The following THSD4 variants were observed in gnomAD, a reference collection of about 807,000 sequenced individuals.
THSD4 encodes thrombospondin type-1 domain-containing protein 4.
In THSD4, 69 loss-of-function variants were observed where a neutral mutation model predicts 119.0. That is an observed-to-expected ratio of 0.58 (90% confidence interval 0.48 to 0.71). THSD4 has a LOEUF of 0.71. THSD4 is among the 30% of genes least tolerant of loss of function. THSD4 has a pLI of 0.00. For missense variants in THSD4, 1,393 were observed against 1,391.1 expected, an observed-to-expected ratio of 1.00 and a Z score of -0.02; for synonymous variants, 524 against 540.4, an observed-to-expected ratio of 0.97 and a Z score of 0.42.
intron 1 of THSD4, among the ~76,000 whole-genome samples, chr15:71,099,739 C>A (rs1266729396): frequency 6.6e-6 from 1 of 151,992 alleles, no homozygotes; most frequent in Non-Finnish European, 1.5e-5. Context: ...CCAAGGGGGG[C>A]AGATCGCTTG....
At chr15:71,688,519 C>A (rs1446058923) in intron 8 of THSD4, among the ~76,000 whole-genome samples, 1 of 152,154 alleles carries the variant, frequency 6.6e-6, no homozygotes, top group African/African-American at 2.4e-5. Context: ...ATTTTCCCAA[C>A]CTTTCATAAT....
At chr15:71,384,621 C>T (rs141304287) in intron 6 of THSD4, among the ~76,000 whole-genome samples, 2 of 152,152 alleles carry the variant, frequency 1.3e-5, no homozygotes, top group East Asian at 3.9e-4. Context: ...TTAAAAGAGG[C>T]AATAAAATTT....
chr15:71,388,229 A>G (rs774674181), intron 6 of THSD4, among the ~76,000 whole-genome samples: 1 of 152,234 alleles, frequency 6.6e-6, no homozygotes, highest in Admixed American at 6.5e-5. Flanking sequence ...TCTGCTGCAT[A>G]GCTGCTTGGT....
At chr15:71,497,064 CAA>C (rs2140717790) in intron 7 of THSD4, among the ~76,000 whole-genome samples, 1 of 152,310 alleles carries the variant, frequency 6.6e-6, no homozygotes, top group East Asian at 1.9e-4. Flanking sequence ...TTCCAACCAC[CAA>C]AGAGTATTTT....
At chr15:71,641,539 C>T (rs1041290972) in intron 7 of THSD4, among the ~76,000 whole-genome samples, 4 of 152,104 alleles carry the variant, frequency 2.6e-5, no homozygotes, top group Admixed American at 6.6e-5. Context: ...AAAGGTTATG[C>T]GTCTTGCCTG....
intron 7 of THSD4, among the ~76,000 whole-genome samples, chr15:71,595,290 G>C (rs935049585): frequency 3.3e-5 from 5 of 152,174 alleles, no homozygotes; most frequent in East Asian, 1.9e-4. Context: ...AACTTGAATT[G>C]TATCTCCCAG....
At chr15:71,148,676 A>G (rs1596225221) in intron 2 of THSD4, among the ~76,000 whole-genome samples, 1 of 152,206 alleles carries the variant, frequency 6.6e-6, no homozygotes, top group East Asian at 1.9e-4. Context: ...TGAAGCCACC[A>G]GGCTTCCCCA....
intron 8 of THSD4, among the ~76,000 whole-genome samples, chr15:71,695,240 C>T (rs2052138846): frequency 6.6e-6 from 1 of 152,094 alleles, no homozygotes; most frequent in South Asian, 2.1e-4. Context: ...GTGTGCATCC[C>T]TAGGCATTCT....
At chr15:71,687,597 A>G (rs2051940887) in intron 8 of THSD4, among the ~76,000 whole-genome samples, 1 of 152,122 alleles carries the variant, frequency 6.6e-6, no homozygotes, top group Non-Finnish European at 1.5e-5. Context: ...TCTACTAAAA[A>G]TACAAAAATT....
rs1567166393 is a variant in THSD4 at position 71,240,834 on chromosome 15, C to CAT, written c.465-1814_465-1813insTA. 2.8e-5 allele frequency among the ~76,000 whole-genome samples: 4 copies of CAT among 143,890 alleles called. 1 individual carries two copies. In the Middle Eastern group the frequency reaches 0.01, roughly 377 times the overall value. 94.4% of individuals were successfully genotyped at this position (143,890 alleles called of 152,430 possible). On this transcript the variant is annotated intron_variant, in intron 4 of 17. Transcript: ENST00000261862. ...ACACACACACACACACACACACACA[C>CAT]ACACATATATACATATATATGACTA...
At position 71,306,382 on chromosome 15, in the gene THSD4, G is replaced by T. The variant is rs140840995; in HGVS notation, c.1015+49667G>T. ...TTTTTGATGCCTTCTCTTATGGCCAGTATCTTACTAAACTATTTTATCTCA... is the reference window on the plus strand; with the variant it reads ...TTTTTGATGCCTTCTCTTATGGCCATTATCTTACTAAACTATTTTATCTCA... On this transcript the variant is annotated intron_variant, in intron 6 of 17. Coordinates refer to ENST00000261862, the MANE Select transcript of THSD4 (RefSeq NM_024817.3). Among the ~76,000 whole-genome samples, 753 of 147,806 alleles carry T rather than the reference G, an allele frequency of 5.1e-3. 6 individuals are homozygous for T. Among genetic ancestry groups the T allele is most frequent in the African/African-American group, 0.018 (700 of 39,866 alleles).
chr15:71,588,830 G>T (rs1236806435), intron 7 of THSD4, among the ~76,000 whole-genome samples: 1 of 152,138 alleles, frequency 6.6e-6, no homozygotes, highest in Non-Finnish European at 1.5e-5. Flanking sequence ...TATGCAGAGT[G>T]GGAGAAAAAG....
At chr15:71,563,320 A>G (rs944714829) in intron 7 of THSD4, among the ~76,000 whole-genome samples, 4 of 152,194 alleles carry the variant, frequency 2.6e-5, no homozygotes, top group Admixed American at 2.6e-4. Flanking sequence ...AATCTCGGAT[A>G]GTAAAGACTC....
chr15:71,237,464 A>T (rs371472711), intron 4 of THSD4, among the ~76,000 whole-genome samples: 5 of 152,292 alleles, frequency 3.3e-5, no homozygotes, highest in African/African-American at 1.2e-4. Flanking sequence ...TGGAGGAAAG[A>T]TGGTCAATCC....
chr15:71,654,704 C>A (rs751573094), intron 7 of THSD4, among the ~76,000 whole-genome samples: 3 of 152,114 alleles, frequency 2.0e-5, no homozygotes, highest in Non-Finnish European at 4.4e-5. Context: ...ATTAGCTCAC[C>A]GTAAATATAA....
At chr15:71,155,596 C>T (rs1207531296) in intron 3 of THSD4, among the ~76,000 whole-genome samples, 1 of 152,232 alleles carries the variant, frequency 6.6e-6, no homozygotes, top group Middle Eastern at 3.4e-3. Context: ...TGAGAGCACT[C>T]TACAAAGGCA....
Position 71,242,951 on chromosome 15 carries a change from C to T in THSD4, c.767C>T (p.Ala256Val). The T allele has an allele frequency of 6.2e-7, 1 of 1,614,230 alleles. No homozygotes were observed. Among genetic ancestry groups the T allele is most frequent in the South Asian group, 1.1e-5 (1 of 91,084 alleles). The change falls in exon 5 of 18, where the codon GCT becomes GTT. Residue 256 changes from alanine to valine, a missense_variant. By Grantham distance (64) the Ala-to-Val change is moderately conservative (BLOSUM62 0). Transcript: ENST00000261862. ...PLTHDQGYPA[A>V]SSLFHSPETS... is the part of the protein sequence containing the mutation. Reference sequence around the variant, plus strand: ...ACCCATGATCAAGGCTACCCTGCAGCTTCAAGTCTCTTTCACAGCCCAGAA... The same window carrying T: ...ACCCATGATCAAGGCTACCCTGCAGTTTCAAGTCTCTTTCACAGCCCAGAA...
At chr15:71,715,237 A>C (rs1398540332) in intron 8 of THSD4, among the ~76,000 whole-genome samples, 1 of 152,180 alleles carries the variant, frequency 6.6e-6, no homozygotes, top group Non-Finnish European at 1.5e-5. Context: ...ATCTATGTAC[A>C]TCCTGTGTTT....
At chr15:71,540,866 G>A (rs996913713) in intron 7 of THSD4, among the ~76,000 whole-genome samples, 3 of 151,206 alleles carry the variant, frequency 2.0e-5, no homozygotes, top group Non-Finnish European at 4.4e-5. Context: ...GGGATTACAA[G>A]CACGTGCCAC....
Sources: allele counts gnomAD v4.1 joint callset (sites outside exome capture counted in the v4.1 genomes callset), GRCh38; gene constraint gnomAD v4.1.1; transcripts MANE v1.5; gene names NCBI Gene and HGNC (gene_info 2026-07-23, HGNC 2026-07-21).